PTPRJ: variants seen among roughly 807,000 people sequenced by gnomAD.
The protein encoded by PTPRJ is receptor-type tyrosine-protein phosphatase eta.
In PTPRJ, 129 loss-of-function variants were observed where a neutral mutation model predicts 141.3. The ratio of observed to expected loss-of-function variants is 0.91; its 90% CI spans 0.79 to 1.06. PTPRJ has a LOEUF of 1.06. PTPRJ is among the 50% of genes least tolerant of loss of function. PTPRJ has a pLI of 0.00. For missense variants in PTPRJ, 1,601 were observed against 1,679.7 expected, an observed-to-expected ratio of 0.95 and a Z score of 0.82; for synonymous variants, 610 against 640.5, an observed-to-expected ratio of 0.95 and a Z score of 0.72.
chr11:48,042,261 A>G (rs1226089593), intron 1 of PTPRJ, among the ~76,000 whole-genome samples: 1 of 152,152 alleles, frequency 6.6e-6, no homozygotes, highest in African/African-American at 2.4e-5. Flanking sequence ...CCAGTAGAAC[A>G]TGACTGATGA....
At chr11:48,035,093 T>G (rs942736140) in intron 1 of PTPRJ, among the ~76,000 whole-genome samples, 5 of 152,218 alleles carry the variant, frequency 3.3e-5, no homozygotes, top group African/African-American at 1.2e-4. Flanking sequence ...CACATGTTCC[T>G]TCCCTGGTGA....
At chr11:47,983,379 G>A (rs1379582635) in intron 1 of PTPRJ, among the ~76,000 whole-genome samples, 7 of 152,184 alleles carry the variant, frequency 4.6e-5, no homozygotes, top group Admixed American at 4.6e-4. Context: ...GGCCTGGATT[G>A]TGTGTGTATG....
chr11:48,158,948 T>TCAAA lies in PTPRJ; in HGVS notation c.3439-975_3439-972dup, dbSNP rs755863270. 4.6e-5 allele frequency among the ~76,000 whole-genome samples: 7 copies of TCAAA among 152,046 alleles called. No homozygotes were observed. The highest frequency in any genetic ancestry group is 1.0e-4 in the Non-Finnish European group (7 of 68,006). On this transcript the variant is annotated intron_variant, in intron 21 of 24. Coordinates refer to ENST00000418331, the MANE Select transcript of PTPRJ (RefSeq NM_002843.4). The surrounding 1 kb of genome is among the most constrained non-coding windows in gnomAD (Gnocchi z 4.4). ...GCTTGTATGACAGAGTGAGACTGTC[T>TCAAA]CAAACAAACACACAAACAAAAAACA...
Position 48,048,614 on chromosome 11 carries a change from C to T in PTPRJ, c.97-61444C>T, listed in dbSNP as rs1252707577. 5.3e-5 allele frequency among the ~76,000 whole-genome samples: 8 copies of T among 151,706 alleles called. No homozygotes were observed. In the South Asian group the frequency reaches 8.3e-4, roughly 16 times the overall value. On this transcript the variant is annotated intron_variant, in intron 1 of 24. Transcript: ENST00000418331. The stretch of plus-strand genomic sequence containing the variant: ...TTCGACACCAGCCTGGCCAACACGG[C>T]GAAACCCCGTCTCTACTAAAAATAC...
intron 15 of PTPRJ, among the ~76,000 whole-genome samples, chr11:48,147,512 C>A (rs1307877656): frequency 6.6e-6 from 1 of 152,186 alleles, no homozygotes; most frequent in East Asian, 1.9e-4. Context: ...GAGTGCTCAC[C>A]GTGTGCCTGC....
chr11:48,073,349 G>T (rs1046184856), intron 1 of PTPRJ, among the ~76,000 whole-genome samples: 1 of 152,184 alleles, frequency 6.6e-6, no homozygotes, highest in Non-Finnish European at 1.5e-5. Flanking sequence ...TGCTGTGATG[G>T]TGACCTTGTT....
At position 48,136,033 on chromosome 11, in the gene PTPRJ, G is replaced by A. The variant is rs1354120428; in HGVS notation, c.1616-6G>A. 1 of 1,612,074 alleles carries A rather than the reference G, an allele frequency of 6.2e-7. No homozygotes were observed. The highest frequency in any genetic ancestry group is 8.5e-7 in the Non-Finnish European group (1 of 1,178,614). On this transcript the variant is annotated splice_region_variant and splice_polypyrimidine_tract_variant and intron_variant, in intron 8 of 24. Transcript: ENST00000418331. ...TTTTCCCTTCTCCTTCCTTTCTTCT[G>A]AGCAGTTCCCAGTGCAGTGTTTGAC...
At position 48,168,579 on chromosome 11, in the gene PTPRJ, T is replaced by TATATAC. The variant is rs1565338158; in HGVS notation, c.*1220_*1221insTACATA. The stretch of plus-strand genomic sequence containing the variant: ...ATATATATATATATATATATATATA[T>TATATAC]ATACACTAAGCTCTCAAAAACAGTC... On this transcript the variant is annotated 3_prime_UTR_variant, in exon 25 of 25. Coordinates refer to ENST00000418331, the MANE Select transcript of PTPRJ (RefSeq NM_002843.4). The TATATAC allele has an allele frequency of 3.3e-5, 4 of 119,918 alleles. No individual in the cohort carries two copies. The highest frequency in any genetic ancestry group is 2.7e-4 in the East Asian group (1 of 3,716). The allele number at this position is 119,918 out of a possible 1,614,324, so 7.4% of individuals were successfully genotyped here. A position where few individuals can be genotyped will look rare whatever the true frequency, so the allele number is the denominator to read the frequency against.
chr11:48,024,665 T>C (rs567480199), intron 1 of PTPRJ, among the ~76,000 whole-genome samples: 1 of 152,388 alleles, frequency 6.6e-6, no homozygotes, highest in East Asian at 1.9e-4. Flanking sequence ...TTTGAAACTC[T>C]GTGCCTGCTG....
At chr11:48,082,582 G>T (rs886919859) in intron 1 of PTPRJ, among the ~76,000 whole-genome samples, 10 of 148,106 alleles carry the variant, frequency 6.8e-5, no homozygotes, top group Non-Finnish European at 1.3e-4. Context: ...TTTTTGTAGA[G>T]ACAGGGTCTC....
chr11:47,992,935 G>A (rs554676438), intron 1 of PTPRJ, among the ~76,000 whole-genome samples: 9 of 152,302 alleles, frequency 5.9e-5, no homozygotes, highest in Non-Finnish European at 8.8e-5. Flanking sequence ...AACACTGGAA[G>A]TCACTGTTCC....
Position 48,155,990 on chromosome 11 carries a change from C to A in PTPRJ, c.3309C>A (p.Tyr1103Ter). 1 of 1,610,366 alleles carries A rather than the reference C, an allele frequency of 6.2e-7. No individual in the cohort carries two copies. The highest frequency in any genetic ancestry group is 8.5e-7 in the Non-Finnish European group (1 of 1,176,982). Residue 1103 changes from tyrosine (Y) to a stop codon, truncating the protein, a stop_gained, in exon 21 of 25, where the codon TAC becomes TAA. Coordinates refer to ENST00000418331, the MANE Select transcript of PTPRJ (RefSeq NM_002843.4). LOFTEE classifies it high-confidence loss of function. ...DYINANYMPG[Y>*]HSKKDFIATQ... ...GTGCTGTTTCCCATTTTTAGGGCTA[C>A]CACTCCAAGAAAGATTTTATTGCCA...
At chr11:48,016,125 C>G (rs1406007101) in intron 1 of PTPRJ, among the ~76,000 whole-genome samples, 1 of 152,118 alleles carries the variant, frequency 6.6e-6, no homozygotes, top group African/African-American at 2.4e-5. Flanking sequence ...TTGGATTGAC[C>G]TAAGTGTCAC....
Position 48,157,092 on chromosome 11 carries a change from G to A in PTPRJ, c.3438+973G>A, listed in dbSNP as rs959624551. The stretch of plus-strand genomic sequence containing the variant: ...CAACCTCCGACTCCCTGGTTCAAGC[G>A]ATTCTCCTGCCTCAGCCTCCCAAGT... On this transcript the variant is annotated intron_variant, in intron 21 of 24. Coordinates refer to ENST00000418331, the MANE Select transcript of PTPRJ (RefSeq NM_002843.4). Among the ~76,000 whole-genome samples the A allele has an allele frequency of 8.9e-4, 135 of 152,086 alleles. 1 individual carries two copies. Among genetic ancestry groups the A allele is most frequent in the Non-Finnish European group, 1.6e-3 (107 of 67,994 alleles).
At position 48,123,798 on chromosome 11, in the gene PTPRJ, T is replaced by G; in HGVS notation, c.802T>G (p.Tyr268Asp). 6.2e-7 allele frequency: 1 copy of G among 1,614,032 alleles called. No homozygotes were observed. Among genetic ancestry groups the G allele is most frequent in the Non-Finnish European group, 8.5e-7 (1 of 1,179,954 alleles). ...CTCGGGCCTGAAGCCAGGGGTTCAA[T>G]ACAACATCAACCCGTATCTTCTACA... is the stretch of plus-strand genomic sequence containing the variant. Reference protein sequence around the residue: ...NISGLKPGVQYNINPYLLQSN... With the variant: ...NISGLKPGVQDNINPYLLQSN... The change falls in exon 5 of 25, where the codon TAC becomes GAC. Residue 268 changes from tyrosine to aspartate, a missense_variant. Transcript: ENST00000418331.
intron 1 of PTPRJ, among the ~76,000 whole-genome samples, chr11:48,026,169 G>T (rs962320507): frequency 6.6e-6 from 1 of 152,122 alleles, no homozygotes; most frequent in African/African-American, 2.4e-5. Flanking sequence ...ATTGTGGAAG[G>T]TTCGAGTCTT....
chr11:48,149,055 C>G (rs1293514846), intron 15 of PTPRJ, among the ~76,000 whole-genome samples: 1 of 152,180 alleles, frequency 6.6e-6, no homozygotes, highest in Non-Finnish European at 1.5e-5. Flanking sequence ...CTTGCCAGTT[C>G]CGGATCTGAT....
At chr11:47,996,996 C>T (rs1479722789) in intron 1 of PTPRJ, among the ~76,000 whole-genome samples, 4 of 152,228 alleles carry the variant, frequency 2.6e-5, no homozygotes, top group Non-Finnish European at 5.9e-5. Flanking sequence ...TGGAACCTGG[C>T]TTAGGCTTTG....
rs570549804 is a variant in PTPRJ, at chr11:48,162,727, A to G, written c.3559-731A>G. On this transcript the variant is annotated intron_variant, in intron 22 of 24. Coordinates refer to ENST00000418331, the MANE Select transcript of PTPRJ (RefSeq NM_002843.4). ...GTCATTCCCTGGTATGGGCATAACGAGTACAGCTGAGTCAGGGACAGGACT... is the reference window on the plus strand; with the variant it reads ...GTCATTCCCTGGTATGGGCATAACGGGTACAGCTGAGTCAGGGACAGGACT... Among the ~76,000 whole-genome samples, 3 of 152,326 alleles carry G rather than the reference A, an allele frequency of 2.0e-5. No homozygotes were observed. In the South Asian group the frequency reaches 6.2e-4, roughly 32 times the overall value.
Sources: allele counts gnomAD v4.1 joint callset (sites outside exome capture counted in the v4.1 genomes callset), GRCh38; gene constraint gnomAD v4.1.1; non-coding constraint Gnocchi (gnomAD v3.1); transcripts MANE v1.5; gene names NCBI Gene and HGNC (gene_info 2026-07-23, HGNC 2026-07-21).